Variants in MYSM1 observed in about 807,000 individuals in gnomAD.
MYSM1 encodes Myb like, SWIRM and MPN domains 1.
A neutral mutation model predicts 116.0 loss-of-function variants in MYSM1; 51 were observed. That is an observed-to-expected ratio of 0.44 (90% confidence interval 0.35 to 0.56). The LOEUF is 0.56. Ranked by LOEUF, MYSM1 falls within the 20% of genes least tolerant of loss-of-function variation. The pLI is 0.00. For synonymous variants in MYSM1, 313 were observed against 315.2 expected (o/e 0.99, Z 0.07); for missense variants, 900 against 974.9 (o/e 0.92, Z 1.02).
At chr1:58,666,799 A>G in intron 16 of MYSM1, among the ~76,000 whole-genome samples, 1 of 151,548 alleles carries the variant, frequency 6.6e-6, no homozygotes, top group Non-Finnish European at 1.5e-5. Context: ...ACTTGAACCT[A>G]AGAGGCAGAG....
intron 7 of MYSM1, among the ~76,000 whole-genome samples, chr1:58,682,747 G>A (rs1449455517): frequency 3.3e-5 from 5 of 149,372 alleles, no homozygotes; most frequent in Admixed American, 2.0e-4. Flanking sequence ...CCAGGCTGGA[G>A]TGCAGTGGCG....
At chr1:58,698,448 T>C (rs1645015425) in intron 1 of MYSM1, among the ~76,000 whole-genome samples, 1 of 152,008 alleles carries the variant, frequency 6.6e-6, no homozygotes, top group Non-Finnish European at 1.5e-5. Context: ...AGACAATAAT[T>C]GTAACCATCA....
intron 1 of MYSM1, among the ~76,000 whole-genome samples, chr1:58,698,102 A>ATATATATATATATATATATTTTTTTT: frequency 1.3e-4 from 1 of 7,770 alleles, no homozygotes; most frequent in Non-Finnish European, 3.6e-4. Context: ...ATATATATAT[A>ATATATATATATATATATATTTTTTTT]TTTTTTTTTT....
intron 8 of MYSM1, among the ~76,000 whole-genome samples, chr1:58,678,279 T>C (rs1414945502): frequency 6.6e-6 from 1 of 152,070 alleles, no homozygotes; most frequent in Admixed American, 6.5e-5. Context: ...GAGATTTCAG[T>C]GTGTCTTGCA....
chr1:58,699,626 A>G, intron 1 of MYSM1: 1 of 985,136 alleles, frequency 1.0e-6, no homozygotes, highest in African/African-American at 1.7e-5. Flanking sequence ...CCCTGACCTC[A>G]GGTCTCGTCC....
intron 8 of MYSM1, 75 bp from the exon 9 acceptor site, chr1:58,677,131 A>G (rs559234765): frequency 7.0e-6 from 9 of 1,283,888 alleles, no homozygotes; most frequent in East Asian, 4.9e-5. Context: ...AAAACTTTCA[A>G]TATTTGAAAT....
In MYSM1 at chr1:58,660,019, C is replaced by G; in HGVS notation, c.2465G>C (p.Cys822Ser). The G allele has an allele frequency of 4.4e-6, 7 of 1,597,284 alleles. No homozygotes were observed. The highest frequency in any genetic ancestry group is 2.3e-5 in the South Asian group (2 of 88,288). The change falls in exon 20 of 20, where the codon TGT (cysteine) becomes TCT (serine). Residue 822 changes from cysteine to serine, a missense_variant. Physicochemically the swap from Cys to Ser is moderately radical, Grantham distance 112. This residue lies in a region of MYSM1 where 186 missense variants were observed against 196.2 expected (regional missense o/e 0.95). Coordinates refer to ENST00000472487, the MANE Select transcript of MYSM1 (RefSeq NM_001085487.3). ...TAATCACATTAACAATTCCTTTGTA[C>G]AGTTCTCTTCGGTTACTCCATTCTC... is the stretch of plus-strand genomic sequence containing the variant. ...NQENGVTEEN[C>S]TKELLM
At chr1:58,668,595 T>A in intron 14 of MYSM1, 37 bp downstream of exon 14, 1 of 1,567,294 alleles carries the variant, frequency 6.4e-7, no homozygotes, top group African/African-American at 1.4e-5. Flanking sequence ...AGAGTAGAAA[T>A]CAGAATAACT....
intron 1 of MYSM1, among the ~76,000 whole-genome samples, chr1:58,697,712 C>T (rs1221093439): frequency 2.6e-5 from 4 of 151,692 alleles, no homozygotes; most frequent in Non-Finnish European, 5.9e-5. Context: ...GCCTCAGCCT[C>T]CCTAGTAGCT....
intron 7 of MYSM1, among the ~76,000 whole-genome samples, chr1:58,682,985 T>C (rs1407250107): frequency 6.6e-6 from 1 of 152,150 alleles, no homozygotes; most frequent in Non-Finnish European, 1.5e-5. Flanking sequence ...AATGTGTTTT[T>C]CTTTAAAGGG....
chr1:58,686,398 T>C lies in MYSM1; in HGVS notation c.400-1147A>G, dbSNP rs571460897. Among the ~76,000 whole-genome samples, 60 of 152,354 alleles carry C rather than the reference T, an allele frequency of 3.9e-4. No individual in the cohort carries two copies. The South Asian group carries it at 0.011, about 28-fold the overall frequency. ...ACTTCCTAAGGTAGCTAAATAATTCTATATTTTTAGAATTCTTAAAACTAT... is the reference window on the plus strand; with the variant it reads ...ACTTCCTAAGGTAGCTAAATAATTCCATATTTTTAGAATTCTTAAAACTAT... On this transcript the variant is annotated intron_variant, in intron 6 of 19. Transcript: ENST00000472487.
intron 8 of MYSM1, 21 bp downstream of exon 8, chr1:58,681,764 T>C (rs750280593): frequency 1.5e-5 from 24 of 1,551,134 alleles, no homozygotes; most frequent in Non-Finnish European, 1.9e-5. Context: ...AAACAACATC[T>C]ATAATGTAAT....
At chr1:58,675,303 G>A (rs1644632923) in intron 10 of MYSM1, among the ~76,000 whole-genome samples, 174 bp downstream of exon 10, 2 of 152,136 alleles carry the variant, frequency 1.3e-5, no homozygotes, top group South Asian at 2.1e-4. Context: ...GCCTCAGAAA[G>A]CAACATGAAA....
intron 1 of MYSM1, among the ~76,000 whole-genome samples, chr1:58,697,794 G>A (rs1217045888): frequency 6.6e-6 from 1 of 151,248 alleles, no homozygotes; most frequent in Non-Finnish European, 1.5e-5. Context: ...TCTCCATGTT[G>A]GTCAGGCTGA....
intron 17 of MYSM1, among the ~76,000 whole-genome samples, chr1:58,662,673 G>C (rs1268766385): frequency 2.0e-5 from 3 of 151,810 alleles, no homozygotes; most frequent in Admixed American, 2.0e-4. Flanking sequence ...AAAAAAAGGG[G>C]AAAAATACAA....
At chr1:58,678,591 G>C (rs1644690595) in intron 8 of MYSM1, among the ~76,000 whole-genome samples, 1 of 152,142 alleles carries the variant, frequency 6.6e-6, no homozygotes, top group Admixed American at 6.5e-5. Context: ...ATAAAAATCT[G>C]CCCTCATGTT....
rs1272884957 is a variant in MYSM1 at position 58,658,215 on chromosome 1, A to C, written c.*1782T>G. On this transcript the variant is annotated 3_prime_UTR_variant, in exon 20 of 20. Coordinates refer to ENST00000472487, the MANE Select transcript of MYSM1 (RefSeq NM_001085487.3). The stretch of plus-strand genomic sequence containing the variant: ...GGTAACAGAGTTAGGGTAAGAGCTC[A>C]GGTTTCCTGACTTTTGGTATAGTTC... 2.6e-5 allele frequency: 4 copies of C among 152,178 alleles called. No homozygotes were observed. The highest frequency in any genetic ancestry group is 5.9e-5 in the Non-Finnish European group (4 of 68,030). 9.4% of individuals were successfully genotyped at this position (152,178 alleles called of 1,614,324 possible). A position where few individuals can be genotyped will look rare whatever the true frequency, so the allele number is the denominator to read the frequency against.
intron 2 of MYSM1, among the ~76,000 whole-genome samples, chr1:58,693,831 T>C (rs188171133): frequency 2.8e-4 from 42 of 152,322 alleles, no homozygotes; most frequent in African/African-American, 7.2e-4. Context: ...ATTAAATCTA[T>C]ATGAAATGTT....
chr1:58,684,325 G>A (rs536122170), intron 7 of MYSM1, among the ~76,000 whole-genome samples: 2 of 152,190 alleles, frequency 1.3e-5, no homozygotes, highest in Non-Finnish European at 2.9e-5. Context: ...CAGCACTTTG[G>A]GAGGCCGAGG....
Sources: allele counts gnomAD v4.1 joint callset (sites outside exome capture counted in the v4.1 genomes callset), GRCh38; gene constraint gnomAD v4.1.1; regional missense constraint gnomAD v4.1.1; transcripts MANE v1.5; gene names NCBI Gene and HGNC (gene_info 2026-07-23, HGNC 2026-07-21).